The following HDAC9 variants were observed in gnomAD, a reference collection of about 807,000 sequenced individuals.
The protein encoded by HDAC9 is histone deacetylase 9.
Under a neutral mutation model 139.4 loss-of-function variants are expected in HDAC9, and 41 were observed. The ratio of observed to expected loss-of-function variants is 0.29; its 90% CI spans 0.23 to 0.38. The LOEUF is 0.38. Among genes scored for constraint, HDAC9 ranks in the 10% least tolerant of loss-of-function variants. HDAC9 has a pLI of 1.00. For synonymous variants in HDAC9, 517 were observed against 476.2 expected (o/e 1.09, Z -1.12); for missense variants, 1,147 against 1,297.0 (o/e 0.88, Z 1.78).
intron 21 of HDAC9, among the ~76,000 whole-genome samples, chr7:18,841,581 G>A (rs1235859308): frequency 1.3e-5 from 2 of 152,140 alleles, no homozygotes. Context: ...CAGGGCTTCT[G>A]AGGCAGCAAG....
chr7:18,121,814 G>A (rs1784381296), intron 1 of HDAC9, among the ~76,000 whole-genome samples: 1 of 147,660 alleles, frequency 6.8e-6, no homozygotes, highest in South Asian at 2.4e-4. Flanking sequence ...ACTAATGATT[G>A]CAATTTATTT....
rs190965580 is a variant in HDAC9 at position 18,160,762 on chromosome 7, G to T, written c.-96-1467G>T. On this transcript the variant is annotated intron_variant, in intron 1 of 12. Coordinates refer to the HDAC9 transcript ENST00000417496. The stretch of plus-strand genomic sequence containing the variant: ...CTCCTGAATAGCTGGGATTACAGGC[G>T]CCCACCACCATGCCTGGCTAATTTT... Among the ~76,000 whole-genome samples the T allele has an allele frequency of 5.9e-5, 9 of 152,040 alleles. No homozygotes were observed. The East Asian group carries it at 1.5e-3, about 26-fold the overall frequency.
intron 21 of HDAC9, among the ~76,000 whole-genome samples, chr7:18,865,529 C>T (rs943822447): frequency 1.3e-5 from 2 of 152,096 alleles, no homozygotes; most frequent in Admixed American, 1.3e-4. Context: ...GTGTGCTTAG[C>T]GCTCCTAGTG....
intron 23 of HDAC9, chr7:18,949,638 A>C (rs965150319): frequency 6.2e-6 from 1 of 160,306 alleles, no homozygotes; most frequent in African/African-American, 2.4e-5. Context: ...CTTAAAGAAA[A>C]CTGGTGCTCA....
chr7:18,626,064 A>C (rs1237791114), intron 6 of HDAC9, among the ~76,000 whole-genome samples: 2 of 151,904 alleles, frequency 1.3e-5, no homozygotes, highest in African/African-American at 4.8e-5. Context: ...CTACTTAACA[A>C]GGAAGTTAGT....
chr7:18,216,780 T>G (rs1255329995), intron 2 of HDAC9, among the ~76,000 whole-genome samples: 1 of 152,180 alleles, frequency 6.6e-6, no homozygotes, highest in Non-Finnish European at 1.5e-5. Flanking sequence ...TGATACTGAA[T>G]GATAGTTTTC....
chr7:18,800,007 A>G (rs1301982132), intron 17 of HDAC9, among the ~76,000 whole-genome samples: 1 of 152,190 alleles, frequency 6.6e-6, no homozygotes, highest in Non-Finnish European at 1.5e-5. Context: ...AAATCTTAAA[A>G]ACAGCAAAAG....
At chr7:18,539,570 C>T (rs905388142) in intron 2 of HDAC9, among the ~76,000 whole-genome samples, 16 of 152,284 alleles carry the variant, frequency 1.1e-4, no homozygotes, top group Admixed American at 2.0e-4. Context: ...TTATGGTTAT[C>T]TAAGATGGTA....
intron 12 of HDAC9, among the ~76,000 whole-genome samples, chr7:18,706,159 CCTTT>C (rs1340210924): frequency 3.3e-5 from 3 of 92,124 alleles, no homozygotes; most frequent in East Asian, 6.8e-4. Flanking sequence ...TGAAAGTTTT[CCTTT>C]TTTTTTTTTT....
intron 2 of HDAC9, among the ~76,000 whole-genome samples, chr7:18,580,060 G>A (rs909044751): frequency 6.6e-6 from 1 of 152,144 alleles, no homozygotes; most frequent in African/African-American, 2.4e-5. Context: ...AAGTGAAGAA[G>A]TAAGAAATAC....
chr7:18,701,998 C>T (rs1484555555), intron 12 of HDAC9, among the ~76,000 whole-genome samples: 1 of 152,218 alleles, frequency 6.6e-6, no homozygotes, highest in African/African-American at 2.4e-5. Context: ...CCTGCCTTCT[C>T]TCTTTCACTC....
chr7:18,466,258 G>A (rs565101115), intron 1 of HDAC9, among the ~76,000 whole-genome samples: 11 of 152,160 alleles, frequency 7.2e-5, no homozygotes, highest in South Asian at 2.1e-4. Flanking sequence ...GTGCAGTGGC[G>A]TGATTTCAGC....
At chr7:18,472,438 G>A (rs186081706) in intron 1 of HDAC9, among the ~76,000 whole-genome samples, 578 of 152,082 alleles carry the variant, frequency 3.8e-3, no homozygotes, top group African/African-American at 0.012. Context: ...CGCAACCCCC[G>A]GAAGCTCAGT....
At chr7:18,349,307 TACAC>T (rs3138825) in intron 1 of HDAC9, among the ~76,000 whole-genome samples, 19,150 of 125,308 alleles carry the variant, frequency 0.15, 1,392 homozygotes, top group Middle Eastern at 0.2. Context: ...TGAGAACATC[TACAC>T]ACACACACAC....
intron 25 of HDAC9, among the ~76,000 whole-genome samples, chr7:18,991,433 C>A (rs766529024): frequency 3.3e-5 from 5 of 152,238 alleles, no homozygotes; most frequent in African/African-American, 7.2e-5. Context: ...GAGGTCAGAT[C>A]AAGACCATCC....
intron 14 of HDAC9, among the ~76,000 whole-genome samples, chr7:18,758,422 TGA>T (rs1394514814): frequency 6.6e-6 from 1 of 152,046 alleles, no homozygotes; most frequent in African/African-American, 2.4e-5. Flanking sequence ...AAGAGAGCCT[TGA>T]GAGAGAGAAA....
At chr7:18,230,127 C>T (rs1418770317) in intron 2 of HDAC9, among the ~76,000 whole-genome samples, 1 of 152,014 alleles carries the variant, frequency 6.6e-6, no homozygotes, top group Non-Finnish European at 1.5e-5. Context: ...CTGAGAAAAA[C>T]ATAGGATAAA....
At chr7:18,580,965 G>A (rs1211119895) in intron 2 of HDAC9, among the ~76,000 whole-genome samples, 2 of 152,050 alleles carry the variant, frequency 1.3e-5, no homozygotes, top group Non-Finnish European at 2.9e-5. Context: ...CATTCCTTTT[G>A]GAATATGATG....
intron 1 of HDAC9, among the ~76,000 whole-genome samples, chr7:18,403,068 A>G (rs1489198727): frequency 6.6e-6 from 1 of 152,170 alleles, no homozygotes; most frequent in Non-Finnish European, 1.5e-5. Context: ...TTCATTTCAT[A>G]TTGTACATCT....
Sources: gnomAD v4.1 joint callset for allele counts (sites outside exome capture counted in the v4.1 genomes callset) on GRCh38, gnomAD v4.1.1 for gene constraint, MANE v1.5 for transcripts, NCBI Gene and HGNC (gene_info 2026-07-23, HGNC 2026-07-21) for gene names.